The following CDH4 variants were observed in gnomAD, a reference collection of about 807,000 sequenced individuals.
The protein encoded by CDH4 is cadherin 4, also known as cadherin-4.
A neutral mutation model predicts 86.0 loss-of-function variants in CDH4; 33 were observed. The observed-to-expected ratio is 0.38, with a 90% CI of 0.29 to 0.51. The LOEUF is 0.51. CDH4 is among the 20% of genes least tolerant of loss of function. The pLI, the probability that CDH4 is intolerant of heterozygous loss-of-function variation, is 0.86. For synonymous variants in CDH4, 555 were observed against 549.4 expected (o/e 1.01, Z -0.14); for missense variants, 1,114 against 1,307.4 (o/e 0.85, Z 2.28).
intron 2 of CDH4, among the ~76,000 whole-genome samples, chr20:61,727,127 T>G (rs1174501780): frequency 6.6e-6 from 1 of 151,812 alleles, no homozygotes; most frequent in Non-Finnish European, 1.5e-5. Context: ...GCCATCATCA[T>G]CACCATCAGA....
intron 6 of CDH4, among the ~76,000 whole-genome samples, chr20:61,870,393 C>T (rs901823772): frequency 2.6e-5 from 4 of 152,216 alleles, no homozygotes; most frequent in Non-Finnish European, 1.5e-5. Context: ...GGCTCCGCAT[C>T]CCCATCCAGC....
intron 2 of CDH4, among the ~76,000 whole-genome samples, chr20:61,711,678 T>C (rs1031245145): frequency 6.6e-6 from 1 of 152,148 alleles, no homozygotes; most frequent in African/African-American, 2.4e-5. Context: ...GGTGGCATAG[T>C]CACAGGTCTG....
rs763918382 is a variant in CDH4, at chr20:61,652,938, A to ATTTTTTTTTTTTTTTTTTTTTTT, written c.170-90608_170-90607insTTTTTTTTTTTTTTTTTTTTTTT. 2.0e-4 allele frequency among the ~76,000 whole-genome samples: 19 copies of ATTTTTTTTTTTTTTTTTTTTTTT among 97,418 alleles called. 1 individual carries two copies. The highest frequency in any genetic ancestry group is 2.6e-4 in the Non-Finnish European group (11 of 42,420). 63.9% of individuals were successfully genotyped at this position (97,418 alleles called of 152,430 possible). A position where few individuals can be genotyped will look rare whatever the true frequency, so the allele number is the denominator to read the frequency against. ...TTTGAATTTATTTATTTATTTATTT[A>ATTTTTTTTTTTTTTTTTTTTTTT]TTTTTTTTTTTTTTTTTATTGATCA... is the stretch of plus-strand genomic sequence containing the variant. On this transcript the variant is annotated intron_variant, in intron 2 of 15. Transcript: ENST00000614565.
intron 2 of CDH4, among the ~76,000 whole-genome samples, chr20:61,477,311 G>A (rs953330515): frequency 1.1e-4 from 17 of 150,368 alleles, no homozygotes; most frequent in Admixed American, 1.0e-3. Flanking sequence ...TTACGATGGT[G>A]GAGACATGGT....
rs141898246 is a variant in CDH4 at position 61,844,800 on chromosome 20, C to T, written c.709C>T (p.Arg237Trp). 19 of 1,613,110 alleles carry T rather than the reference C, an allele frequency of 1.2e-5. No homozygotes were observed. Among genetic ancestry groups the T allele is most frequent in the Middle Eastern group, 1.6e-4 (1 of 6,082 alleles). ...GATGTACGTCACAAGGCCCATGGAC[C>T]GGGAGGAGCACGCCTCTTACCACGT... is the stretch of plus-strand genomic sequence containing the variant. The part of the protein sequence containing the change: ...GRMYVTRPMD[R>W]EEHASYHLRA... The change falls in exon 5 of 16, where the codon CGG becomes TGG. Residue 237 changes from arginine to tryptophan, a missense_variant. Around this residue, in one of 3 missense-constraint regions of CDH4, gnomAD observed 705 missense variants for 914.1 expected, o/e 0.77. Coordinates refer to ENST00000614565, the MANE Select transcript of CDH4 (RefSeq NM_001794.5).
At chr20:61,447,314 G>A (rs12481646) in intron 2 of CDH4, among the ~76,000 whole-genome samples, 26,199 of 145,610 alleles carry the variant, frequency 0.18, 2,420 homozygotes, top group Non-Finnish European at 0.2. Context: ...GCGCCACCAC[G>A]CCCAGCTGAT....
chr20:61,445,936 G>T (rs186629792), intron 2 of CDH4, among the ~76,000 whole-genome samples: 4 of 152,210 alleles, frequency 2.6e-5, no homozygotes, highest in Non-Finnish European at 5.9e-5. Flanking sequence ...CCTCCAGAAC[G>T]CTGGCCCTGG....
intron 2 of CDH4, among the ~76,000 whole-genome samples, chr20:61,289,407 G>C (rs1301205605): frequency 6.6e-6 from 1 of 152,210 alleles, no homozygotes; most frequent in African/African-American, 2.4e-5. Flanking sequence ...CTTCTCTGGG[G>C]GAGGCTGTTT....
chr20:61,878,807 C>T (rs1363022935), intron 7 of CDH4, among the ~76,000 whole-genome samples: 1 of 152,234 alleles, frequency 6.6e-6, no homozygotes, highest in Non-Finnish European at 1.5e-5. Context: ...CACAGTCTCT[C>T]CCACTTTTTC....
At chr20:61,600,666 G>T (rs2207542) in intron 2 of CDH4, among the ~76,000 whole-genome samples, 90,373 of 152,024 alleles carry the variant, frequency 0.59, 28,561 homozygotes, top group Non-Finnish European at 0.7. Context: ...AAAATCCGAG[G>T]ATCCTTAAGT....
At chr20:61,882,002 G>A (rs1235901286) in intron 7 of CDH4, among the ~76,000 whole-genome samples, 1 of 152,240 alleles carries the variant, frequency 6.6e-6, no homozygotes, top group Non-Finnish European at 1.5e-5. Context: ...TACAAGCCAA[G>A]GGTGCCTGGA....
At chr20:61,651,282 G>T (rs1021125468) in intron 2 of CDH4, among the ~76,000 whole-genome samples, 4 of 152,234 alleles carry the variant, frequency 2.6e-5, no homozygotes, top group Non-Finnish European at 4.4e-5. Flanking sequence ...TGATTGCAGG[G>T]TCTCAACGCT....
At chr20:61,691,160 G>A (rs2087648377) in intron 2 of CDH4, among the ~76,000 whole-genome samples, 1 of 151,900 alleles carries the variant, frequency 6.6e-6, no homozygotes, top group Non-Finnish European at 1.5e-5. Context: ...TTGGTCTCCA[G>A]AAGCCCCTTC....
intron 11 of CDH4, 82 bp downstream of exon 11, chr20:61,924,558 G>C: frequency 1.3e-6 from 2 of 1,489,458 alleles, no homozygotes; most frequent in Non-Finnish European, 1.8e-6. Context: ...GTGCTGGCCA[G>C]GGAGACCCCG....
chr20:61,539,663 C>T (rs1286371079), intron 2 of CDH4, among the ~76,000 whole-genome samples: 1 of 152,216 alleles, frequency 6.6e-6, no homozygotes, highest in Non-Finnish European at 1.5e-5. Flanking sequence ...AGCTGTTCAG[C>T]AAGGCAGCCA....
chr20:61,790,610 C>T (rs1441640536), intron 4 of CDH4, among the ~76,000 whole-genome samples: 1 of 151,692 alleles, frequency 6.6e-6, no homozygotes, highest in Non-Finnish European at 1.5e-5. Context: ...ACCCACCATC[C>T]ACCCATTCAT....
intron 6 of CDH4, among the ~76,000 whole-genome samples, chr20:61,856,907 CT>C (rs958010959): frequency 7.0e-4 from 107 of 152,372 alleles, no homozygotes; most frequent in African/African-American, 2.5e-3. Flanking sequence ...GGCAGCGCCC[CT>C]GGCTGAGATG....
intron 2 of CDH4, among the ~76,000 whole-genome samples, chr20:61,318,317 C>T (rs1226837946): frequency 6.6e-6 from 1 of 152,214 alleles, no homozygotes; most frequent in Non-Finnish European, 1.5e-5. Flanking sequence ...ATTCACAGTG[C>T]TCAGCTGACC....
intron 4 of CDH4, among the ~76,000 whole-genome samples, chr20:61,789,505 C>G (rs1979051722): frequency 6.6e-6 from 1 of 152,192 alleles, no homozygotes; most frequent in African/African-American, 2.4e-5. Context: ...CTGAAGCGGC[C>G]TCTCCCTGGA....
Sources: allele counts gnomAD v4.1 joint callset (sites outside exome capture counted in the v4.1 genomes callset), GRCh38; gene constraint gnomAD v4.1.1; regional missense constraint gnomAD v4.1.1; transcripts MANE v1.5; gene names NCBI Gene and HGNC (gene_info 2026-07-23, HGNC 2026-07-21).